The following SERPINB11 variants were observed in gnomAD, a reference collection of about 807,000 sequenced individuals.
SERPINB11 encodes serpin family B member 11, also known as serpin B11.
SERPINB11 carries 32 observed loss-of-function variants against 36.7 expected under a neutral mutation model. The ratio of observed to expected loss-of-function variants is 0.87; its 90% CI spans 0.66 to 1.17. The LOEUF (loss-of-function observed/expected upper bound fraction) is 1.17, where lower values mean the gene tolerates loss of function less well. Ranked by LOEUF, SERPINB11 falls within the 50% of genes most tolerant of loss-of-function variation. The probability of loss-of-function intolerance (pLI) is 0.00; values close to 1 mark genes in which losing one functional copy is unlikely to be tolerated. For missense variants in SERPINB11, 528 were observed against 458.4 expected, an observed-to-expected ratio of 1.15 and a Z score of -1.39; for synonymous variants, 174 against 168.1, an observed-to-expected ratio of 1.04 and a Z score of -0.27.
chr18:63,706,215 G>A (rs1914368945), intron 1 of SERPINB11, among the ~76,000 whole-genome samples: 1 of 152,170 alleles, frequency 6.6e-6, no homozygotes, highest in Non-Finnish European at 1.5e-5. Context: ...TACAGGATTT[G>A]TGAATTTTCC....
intron 1 of SERPINB11, among the ~76,000 whole-genome samples, chr18:63,703,926 T>G (rs1914304344): frequency 6.6e-6 from 1 of 151,544 alleles, no homozygotes; most frequent in African/African-American, 2.4e-5. Flanking sequence ...TTTTCTTCGT[T>G]TCTGTCATAA....
At chr18:63,715,088 T>G (rs1387344774) in intron 4 of SERPINB11, among the ~76,000 whole-genome samples, 1 of 152,220 alleles carries the variant, frequency 6.6e-6, no homozygotes, top group African/African-American at 2.4e-5. Flanking sequence ...GGTCCCTGAC[T>G]TCCCCCAACA....
chr18:63,703,111 C>T (rs148167985), intron 1 of SERPINB11, 105 bp downstream of exon 1: 1 of 152,064 alleles, frequency 6.6e-6, no homozygotes, highest in Non-Finnish European at 1.5e-5. Flanking sequence ...CATAATGAAC[C>T]AAATGAAGGG....
At chr18:63,717,910 C>A (rs1435945170) in intron 5 of SERPINB11, among the ~76,000 whole-genome samples, 1 of 151,976 alleles carries the variant, frequency 6.6e-6, no homozygotes, top group African/African-American at 2.4e-5. Flanking sequence ...GAAATCTTGT[C>A]GTGAAAGTAT....
intron 6 of SERPINB11, chr18:63,720,508 A>T (rs377271940): frequency 3.0e-6 from 1 of 336,920 alleles, no homozygotes; most frequent in South Asian, 5.4e-5. Flanking sequence ...TCTTGAGGAA[A>T]GATTAAAAAG....
chr18:63,706,174 T>C (rs1329100246), intron 1 of SERPINB11, among the ~76,000 whole-genome samples: 1 of 152,228 alleles, frequency 6.6e-6, no homozygotes, highest in Non-Finnish European at 1.5e-5. Context: ...ATCTACTCCT[T>C]AATGATTATT....
intron 1 of SERPINB11, among the ~76,000 whole-genome samples, chr18:63,704,111 A>G (rs1464555): frequency 0.37 from 56,135 of 151,704 alleles, 11,169 homozygotes; most frequent in East Asian, 0.61. Context: ...AAATGGGCTA[A>G]GCAACATTAA....
At position 63,723,354 on chromosome 18, in the gene SERPINB11, T is replaced by G; in HGVS notation, c.1134T>G (p.Thr378=). 5 of 1,613,724 alleles carry G rather than the reference T, an allele frequency of 3.1e-6. 1 individual carries two copies. In the South Asian group the frequency reaches 5.5e-5, roughly 18 times the overall value. Reference sequence around the variant, plus strand: ...CCTTCCTTTTCTTTATAAGGCACACTCATACCAACACGATCCTATTCTGTG... The same window carrying G: ...CCTTCCTTTTCTTTATAAGGCACACGCATACCAACACGATCCTATTCTGTG... ...NHPFLFFIRH[T]HTNTILFCGK... Residue 378 remains threonine (T), a synonymous_variant, in exon 8 of 8, where the codon ACT becomes ACG. Transcript: ENST00000544088.
rs1914661719 is a variant in SERPINB11 at position 63,716,117 on chromosome 18, A to T, written c.440A>T (p.Lys147Ile). Residue 147 changes from lysine to isoleucine, a missense_variant, in exon 5 of 8, where the codon AAA (lysine) becomes ATA (isoleucine). By Grantham distance (102) the Lys-to-Ile change is moderately radical. Coordinates refer to ENST00000544088, the MANE Select transcript of SERPINB11 (RefSeq NM_001370475.1). Reference sequence around the variant, plus strand: ...GAACAGTCTACAGAAGAAACGAGGAAAACGATTAATGCTTGGGTTGAAAAT... The same window carrying T: ...GAACAGTCTACAGAAGAAACGAGGATAACGATTAATGCTTGGGTTGAAAAT... The part of the protein sequence containing the change: ...DFEQSTEETR[K>I]TINAWVENKT... 1 of 1,610,492 alleles carries T rather than the reference A, an allele frequency of 6.2e-7. No homozygotes were observed. The highest frequency in any genetic ancestry group is 8.5e-7 in the Non-Finnish European group (1 of 1,177,508).
At chr18:63,711,502 C>A (rs927141194) in intron 3 of SERPINB11, 108 bp downstream of exon 3, 2 of 789,754 alleles carry the variant, frequency 2.5e-6, no homozygotes, top group African/African-American at 1.7e-5. Flanking sequence ...ATGAGGGAAC[C>A]AGCTATGTGT....
chr18:63,723,092 T>C lies in SERPINB11; in HGVS notation c.872T>C (p.Leu291Pro). 1.2e-6 allele frequency: 2 copies of C among 1,605,472 alleles called. No homozygotes were observed. Among genetic ancestry groups the C allele is most frequent in the African/African-American group, 1.3e-5 (1 of 74,934 alleles). ...GAAGTACACCTCCCCCGATTCAAACTTGAAACTAAGTATGAGCTAAATTCC... is the reference window on the plus strand; with the variant it reads ...GAAGTACACCTCCCCCGATTCAAACCTGAAACTAAGTATGAGCTAAATTCC... ...EVEVHLPRFKLETKYELNSLL... is the reference protein window; with the variant it reads ...EVEVHLPRFKPETKYELNSLL... The change falls in exon 8 of 8, where the codon CTT becomes CCT. Residue 291 changes from leucine (L) to proline (P), a missense_variant. Physicochemically the swap from Leu to Pro is moderately conservative, Grantham distance 98 (BLOSUM62 -3). Coordinates refer to ENST00000544088, the MANE Select transcript of SERPINB11 (RefSeq NM_001370475.1).
chr18:63,710,977 C>T (rs2144535920), intron 2 of SERPINB11, among the ~76,000 whole-genome samples: 1 of 152,300 alleles, frequency 6.6e-6, no homozygotes, highest in Admixed American at 6.5e-5. Flanking sequence ...AGGTCTTACA[C>T]AGCCCCAGAT....
chr18:63,708,448 A>T (rs1253761524), intron 1 of SERPINB11, among the ~76,000 whole-genome samples: 1 of 152,314 alleles, frequency 6.6e-6, no homozygotes, highest in East Asian at 1.9e-4. Flanking sequence ...ATTTCCAAAG[A>T]TGGGGAAAAC....
intron 3 of SERPINB11, among the ~76,000 whole-genome samples, chr18:63,711,855 T>C (rs954493559): frequency 6.6e-6 from 1 of 152,180 alleles, no homozygotes; most frequent in Non-Finnish European, 1.5e-5. Context: ...ATCAAAATTA[T>C]ATAGAACTCC....
chr18:63,715,279 C>T (rs1409097202), intron 4 of SERPINB11, among the ~76,000 whole-genome samples: 1 of 152,074 alleles, frequency 6.6e-6, no homozygotes, highest in East Asian at 1.9e-4. Flanking sequence ...TCACTGTTGT[C>T]TTGGCAGAAA....
chr18:63,717,296 T>A (rs1187217286), intron 5 of SERPINB11, among the ~76,000 whole-genome samples: 1 of 152,206 alleles, frequency 6.6e-6, no homozygotes, highest in Admixed American at 6.5e-5. Context: ...ACTTAGGACA[T>A]TTTTAGTTTG....
chr18:63,722,251 G>A (rs1914833847), intron 7 of SERPINB11, among the ~76,000 whole-genome samples: 1 of 152,196 alleles, frequency 6.6e-6, no homozygotes, highest in South Asian at 2.1e-4. Flanking sequence ...TGTCATGGTA[G>A]GCAGTAGTTG....
chr18:63,721,009 A>G, intron 7 of SERPINB11, 23 bp downstream of exon 7: 1 of 1,589,486 alleles, frequency 6.3e-7, no homozygotes. Context: ...GAATGCTATA[A>G]TGCAGTTAAA....
At chr18:63,714,615 G>A (rs868781091) in intron 4 of SERPINB11, among the ~76,000 whole-genome samples, 1 of 145,634 alleles carries the variant, frequency 6.9e-6, no homozygotes, top group Non-Finnish European at 1.5e-5. Context: ...AGAATTCAAC[G>A]ATATTTCTCC....
Sources: gnomAD v4.1 joint callset for allele counts (sites outside exome capture counted in the v4.1 genomes callset) on GRCh38, gnomAD v4.1.1 for gene constraint, MANE v1.5 for transcripts, NCBI Gene and HGNC (gene_info 2026-07-23, HGNC 2026-07-21) for gene names.